Variants in PPARGC1A observed in about 807,000 individuals in gnomAD.
PPARGC1A encodes PPARG coactivator 1 alpha.
Under a neutral mutation model 88.7 loss-of-function variants are expected in PPARGC1A, and 25 were observed. That is an observed-to-expected ratio of 0.28 (90% confidence interval 0.21 to 0.39). The LOEUF is 0.39. Among genes scored for constraint, PPARGC1A ranks in the 10% least tolerant of loss-of-function variants. The pLI, the probability that PPARGC1A is intolerant of heterozygous loss-of-function variation, is 1.00. For missense variants in PPARGC1A, 880 were observed against 968.7 expected (o/e 0.91, Z 1.22); for synonymous variants, 363 against 355.6 (o/e 1.02, Z -0.24).
At chr4:24,164,474 G>A in the PPARGC1A span, among the ~76,000 whole-genome samples, 3 of 152,302 alleles carry the variant, frequency 2.0e-5, no homozygotes, top group East Asian at 5.8e-4. Context: ...GGAGAGGGGA[G>A]CAATGCCCAG....
At chr4:24,213,274 C>T in the PPARGC1A span, among the ~76,000 whole-genome samples, 1 of 151,208 alleles carries the variant, frequency 6.6e-6, no homozygotes, top group East Asian at 2.0e-4. Flanking sequence ...TCACGCCATT[C>T]TCCTGCCTCA....
At chr4:24,217,836 A>G in the PPARGC1A span, among the ~76,000 whole-genome samples, 1 of 152,070 alleles carries the variant, frequency 6.6e-6, no homozygotes, top group Non-Finnish European at 1.5e-5. Context: ...AAATAAAAAG[A>G]AAACATGGAA....
the PPARGC1A span, among the ~76,000 whole-genome samples, chr4:24,302,554 G>A: frequency 6.6e-6 from 1 of 152,234 alleles, no homozygotes; most frequent in Non-Finnish European, 1.5e-5. Context: ...AAATGCTGTA[G>A]CTTCACTGAA....
the PPARGC1A span, among the ~76,000 whole-genome samples, chr4:24,110,506 G>T: frequency 6.6e-6 from 1 of 152,102 alleles, no homozygotes; most frequent in African/African-American, 2.4e-5. Context: ...ATCACCAAAT[G>T]ATCAACAGGA....
chr4:24,224,909 T>C, the PPARGC1A span, among the ~76,000 whole-genome samples: 4 of 152,222 alleles, frequency 2.6e-5, no homozygotes, highest in Non-Finnish European at 4.4e-5. Context: ...GCAAGTCATA[T>C]GGATATCTAT....
chr4:23,836,117 A>G (rs1162373975), intron 2 of PPARGC1A, among the ~76,000 whole-genome samples: 1 of 152,212 alleles, frequency 6.6e-6, no homozygotes, highest in Middle Eastern at 3.2e-3. Context: ...CTATTTTACA[A>G]AAAATATATG....
At chr4:24,141,300 C>T in the PPARGC1A span, among the ~76,000 whole-genome samples, 5 of 152,368 alleles carry the variant, frequency 3.3e-5, no homozygotes, top group African/African-American at 9.6e-5. Context: ...CCCCTGCCTA[C>T]GCAGAGTTTG....
the PPARGC1A span, among the ~76,000 whole-genome samples, chr4:23,997,589 A>T: frequency 4.6e-5 from 6 of 129,602 alleles, no homozygotes; most frequent in African/African-American, 1.8e-4. Context: ...TGCAACCTCC[A>T]CCTCCTGGGT....
the PPARGC1A span, among the ~76,000 whole-genome samples, chr4:24,326,185 C>T: frequency 2.0e-5 from 3 of 152,232 alleles, no homozygotes; most frequent in East Asian, 5.8e-4. Context: ...ACCCTTACCC[C>T]GCTGAATGCC....
intron 2 of PPARGC1A, among the ~76,000 whole-genome samples, chr4:23,848,703 G>C (rs1230462097): frequency 6.6e-6 from 1 of 152,038 alleles, no homozygotes; most frequent in Non-Finnish European, 1.5e-5. Context: ...TTTTGCTGCT[G>C]TTCCTATCAA....
chr4:24,450,630 C>T, the PPARGC1A span, among the ~76,000 whole-genome samples: 1 of 152,188 alleles, frequency 6.6e-6, no homozygotes, highest in African/African-American at 2.4e-5. Context: ...TTTTTCTCAC[C>T]AGTAAAAATG....
the PPARGC1A span, among the ~76,000 whole-genome samples, chr4:24,246,212 A>G: frequency 1.2e-4 from 18 of 152,318 alleles, no homozygotes; most frequent in East Asian, 1.3e-3. Context: ...ATCAAATAAT[A>G]TATTATTGGC....
intron 2 of PPARGC1A, among the ~76,000 whole-genome samples, chr4:23,854,792 C>T (rs907452698): frequency 5.9e-5 from 9 of 151,782 alleles, no homozygotes; most frequent in Admixed American, 2.6e-4. Context: ...ATATGGTAGA[C>T]ACCGGGTAAA....
intron 2 of PPARGC1A, among the ~76,000 whole-genome samples, chr4:23,836,979 G>C (rs1577452674): frequency 1.3e-5 from 2 of 152,168 alleles, no homozygotes; most frequent in African/African-American, 4.8e-5. Flanking sequence ...CTAAATGCGA[G>C]CTATTATGAA....
the PPARGC1A span, among the ~76,000 whole-genome samples, chr4:24,038,289 C>T: frequency 2.0e-5 from 3 of 152,134 alleles, no homozygotes; most frequent in Non-Finnish European, 4.4e-5. Context: ...TCTGTCACTT[C>T]CACGTGAGAT....
the PPARGC1A span, among the ~76,000 whole-genome samples, chr4:23,972,657 CTTAT>C: frequency 6.6e-6 from 1 of 152,124 alleles, no homozygotes; most frequent in African/African-American, 2.4e-5. Context: ...CTATGTTTCT[CTTAT>C]TTATTCACCA....
chr4:24,111,732 G>A, the PPARGC1A span, among the ~76,000 whole-genome samples: 1 of 152,146 alleles, frequency 6.6e-6, no homozygotes, highest in Non-Finnish European at 1.5e-5. Flanking sequence ...TAGGAGGTGG[G>A]TTAACTCTTT....
intron 4 of PPARGC1A, among the ~76,000 whole-genome samples, chr4:23,829,099 T>A (rs1209963103): frequency 6.6e-6 from 1 of 152,200 alleles, no homozygotes; most frequent in Non-Finnish European, 1.5e-5. Flanking sequence ...CCAAAAGCAA[T>A]CTTTCTCAGG....
the PPARGC1A span, among the ~76,000 whole-genome samples, chr4:24,224,818 C>T: frequency 6.6e-6 from 1 of 152,066 alleles, no homozygotes; most frequent in Non-Finnish European, 1.5e-5. Flanking sequence ...AAGAGAGAAG[C>T]CTGCAGTTTT....
Sources: allele counts gnomAD v4.1 joint callset (sites outside exome capture counted in the v4.1 genomes callset), GRCh38; gene constraint gnomAD v4.1.1; transcripts MANE v1.5; gene names NCBI Gene and HGNC (gene_info 2026-07-23, HGNC 2026-07-21).